Variants in ZNF521 observed in about 807,000 individuals in gnomAD.
ZNF521 encodes the protein zinc finger protein 521.
ZNF521 carries 14 observed loss-of-function variants against 105.5 expected under a neutral mutation model. The observed-to-expected ratio is 0.13, with a 90% CI of 0.09 to 0.21. The LOEUF (loss-of-function observed/expected upper bound fraction) is 0.21. Among genes scored for constraint, ZNF521 ranks in the 10% least tolerant of loss-of-function variants. The pLI is 1.00. For missense variants in ZNF521, 1,233 were observed against 1,629.7 expected, an observed-to-expected ratio of 0.76 and a Z score of 4.19; for synonymous variants, 635 against 606.0, an observed-to-expected ratio of 1.05 and a Z score of -0.70.
At chr18:25,294,853 CAAAAAA>C (rs34529787) in intron 3 of ZNF521, among the ~76,000 whole-genome samples, 800 of 59,486 alleles carry the variant, frequency 0.013, 6 homozygotes, top group Middle Eastern at 0.043. Context: ...GATTCTGTCT[CAAAAAA>C]AAAAAAAAAA....
chr18:25,116,231 C>G (rs1348191483), intron 5 of ZNF521, among the ~76,000 whole-genome samples: 2 of 151,998 alleles, frequency 1.3e-5, no homozygotes, highest in African/African-American at 4.8e-5. Context: ...CAGGGGCAAT[C>G]TGAACTGCCA....
In ZNF521 at chr18:25,162,591, A is replaced by C. The variant is rs115634438; in HGVS notation, c.3658+32569T>G. On this transcript the variant is annotated intron_variant, in intron 5 of 7. Coordinates refer to ENST00000361524, the MANE Select transcript of ZNF521 (RefSeq NM_015461.3). ...TATAAGACATTAGAGATTGTAAAGC[A>C]AGTCCAACAGGGCTTGGCCATCAGA... 5.8e-3 allele frequency among the ~76,000 whole-genome samples: 885 copies of C among 152,358 alleles called. 10 individuals are homozygous for C. Among genetic ancestry groups the C allele is most frequent in the African/African-American group, 0.02 (846 of 41,590 alleles).
chr18:25,305,394 T>A (rs1023596251), intron 3 of ZNF521, among the ~76,000 whole-genome samples: 2 of 152,244 alleles, frequency 1.3e-5, no homozygotes, highest in African/African-American at 4.8e-5. Context: ...TAAAATGTTT[T>A]AGTGATATCC....
At chr18:25,338,281 G>GTGTGTGTGTT (rs1347208373) in intron 2 of ZNF521, among the ~76,000 whole-genome samples, 1 of 151,614 alleles carries the variant, frequency 6.6e-6, no homozygotes, top group African/African-American at 2.4e-5. Flanking sequence ...GTGTGTGTGT[G>GTGTGTGTGTT]TGTGTGTGTG....
At chr18:25,223,834 T>C (rs1275214344) in intron 4 of ZNF521, among the ~76,000 whole-genome samples, 1 of 152,084 alleles carries the variant, frequency 6.6e-6, no homozygotes, top group Non-Finnish European at 1.5e-5. Flanking sequence ...GGAAGTATTT[T>C]CCTCTCTACC....
intron 4 of ZNF521, among the ~76,000 whole-genome samples, chr18:25,221,636 A>G (rs993688231): frequency 4.6e-5 from 7 of 152,200 alleles, no homozygotes; most frequent in African/African-American, 1.7e-4. Context: ...TAGGGCATCT[A>G]AGTCAATAGA....
intron 7 of ZNF521, among the ~76,000 whole-genome samples, chr18:25,088,731 T>G (rs1030014613): frequency 1.3e-5 from 2 of 152,076 alleles, no homozygotes; most frequent in Non-Finnish European, 2.9e-5. Context: ...TCATTTTTTT[T>G]AAACTACCAG....
chr18:25,251,982 T>C lies in ZNF521; in HGVS notation c.221-24285A>G, dbSNP rs563574262. 4.0e-4 allele frequency among the ~76,000 whole-genome samples: 61 copies of C among 152,284 alleles called. 1 individual carries two copies. In the South Asian group the frequency reaches 0.012, roughly 31 times the overall value. On this transcript the variant is annotated intron_variant, in intron 3 of 7. Transcript: ENST00000361524. ...TGCTCCACAATCATTATTTTATGTA[T>C]TTCTACTTGTACCGTTTTCAAGCTA...
intron 7 of ZNF521, among the ~76,000 whole-genome samples, chr18:25,067,768 A>C (rs188301410): frequency 4.3e-4 from 65 of 152,160 alleles, no homozygotes; most frequent in African/African-American, 1.4e-3. Context: ...CAACCCCAAA[A>C]CTTATGCCCA....
intron 1 of ZNF521, chr18:25,351,365 CAT>C (rs1914759077): frequency 6.7e-6 from 1 of 149,200 alleles, no homozygotes; most frequent in East Asian, 1.9e-4. Flanking sequence ...TCAAAATTCA[CAT>C]AGTTCATGCG....
intron 3 of ZNF521, among the ~76,000 whole-genome samples, chr18:25,313,513 A>G (rs1912437279): frequency 6.6e-5 from 10 of 152,154 alleles, no homozygotes; most frequent in Admixed American, 6.5e-4. Context: ...AAAAGCACAG[A>G]AGTGAGATTA....
intron 3 of ZNF521, among the ~76,000 whole-genome samples, chr18:25,231,032 C>T (rs893385495): frequency 6.6e-6 from 1 of 152,154 alleles, no homozygotes; most frequent in Non-Finnish European, 1.5e-5. Flanking sequence ...TGACTTTTCT[C>T]CAAGCAGACA....
intron 3 of ZNF521, among the ~76,000 whole-genome samples, chr18:25,276,457 C>A (rs1030378392): frequency 4.6e-5 from 7 of 152,158 alleles, no homozygotes; most frequent in Non-Finnish European, 1.0e-4. Context: ...TCCTACACAA[C>A]AGCAACAAAC....
chr18:25,294,049 G>A (rs1911183761), intron 3 of ZNF521, among the ~76,000 whole-genome samples: 1 of 152,116 alleles, frequency 6.6e-6, no homozygotes, highest in Non-Finnish European at 1.5e-5. Flanking sequence ...GTATTTTGAA[G>A]TTGCAACTTT....
intron 5 of ZNF521, among the ~76,000 whole-genome samples, chr18:25,130,839 A>C (rs1273276904): frequency 6.6e-6 from 1 of 151,924 alleles, no homozygotes; most frequent in African/African-American, 2.4e-5. Flanking sequence ...GCTACTTGGG[A>C]GGCTGAGGTG....
chr18:25,347,632 C>G (rs73944220), intron 2 of ZNF521, among the ~76,000 whole-genome samples: 4,916 of 152,208 alleles, frequency 0.032, 259 homozygotes, highest in African/African-American at 0.11. Context: ...AAACAAAAAA[C>G]CCAGCATACT....
chr18:25,179,724 C>A (rs2035598408), intron 5 of ZNF521, among the ~76,000 whole-genome samples: 1 of 152,182 alleles, frequency 6.6e-6, no homozygotes, highest in African/African-American at 2.4e-5. Context: ...CCACAGTATT[C>A]ATTTCACTTT....
chr18:25,311,648 C>T (rs11662147), intron 3 of ZNF521, among the ~76,000 whole-genome samples: 34 of 152,200 alleles, frequency 2.2e-4, no homozygotes, highest in African/African-American at 7.5e-4. Flanking sequence ...CTTCTCCACA[C>T]GGACAAACTG....
At chr18:25,283,932 C>CT (rs1491158590) in intron 3 of ZNF521, among the ~76,000 whole-genome samples, 1 of 142,642 alleles carries the variant, frequency 7.0e-6, no homozygotes, top group African/African-American at 2.5e-5. Flanking sequence ...TCCCCCCCCC[C>CT]CAAAAAAATT....
Sources: gnomAD v4.1 joint callset for allele counts (sites outside exome capture counted in the v4.1 genomes callset) on GRCh38, gnomAD v4.1.1 for gene constraint, MANE v1.5 for transcripts, NCBI Gene and HGNC (gene_info 2026-07-23, HGNC 2026-07-21) for gene names.